The following ROBO1 variants were observed in gnomAD, a reference collection of about 807,000 sequenced individuals.
ROBO1 encodes roundabout homolog 1.
Under a neutral mutation model 195.9 loss-of-function variants are expected in ROBO1, and 149 were observed. The observed-to-expected ratio is 0.76, with a 90% confidence interval of 0.67 to 0.87. The LOEUF is 0.87. Ranked by LOEUF, ROBO1 falls within the 40% of genes least tolerant of loss-of-function variation. The probability of loss-of-function intolerance (pLI) is 0.00; values close to 1 mark genes in which losing one functional copy is unlikely to be tolerated. For missense variants in ROBO1, 1,933 were observed against 2,068.3 expected (o/e 0.93, Z 1.27); for synonymous variants, 816 against 733.2 (o/e 1.11, Z -1.82).
intron 4 of ROBO1, among the ~76,000 whole-genome samples, chr3:78,783,228 C>A (rs2083732842): frequency 6.6e-6 from 1 of 152,096 alleles, no homozygotes; most frequent in African/African-American, 2.4e-5. Flanking sequence ...TCCCATCATC[C>A]ACCTCCTCTG....
At chr3:79,439,895 G>T (rs189526336) in intron 2 of ROBO1, among the ~76,000 whole-genome samples, 2 of 152,068 alleles carry the variant, frequency 1.3e-5, no homozygotes, top group Admixed American at 6.6e-5. Flanking sequence ...GAGGAAGAGA[G>T]AACTAAAGGA....
chr3:79,617,488 C>T (rs1944861594), intron 1 of ROBO1, among the ~76,000 whole-genome samples: 1 of 151,890 alleles, frequency 6.6e-6, no homozygotes, highest in Admixed American at 6.6e-5. Flanking sequence ...GAAGCCTTGC[C>T]CCGTGAAAGC....
chr3:78,952,920 T>C (rs1413926576), intron 3 of ROBO1, among the ~76,000 whole-genome samples: 3 of 152,048 alleles, frequency 2.0e-5, no homozygotes, highest in African/African-American at 7.2e-5. Context: ...ATTAACTGAG[T>C]GCCATTGGTA....
At chr3:79,640,919 G>A (rs546236217) in intron 1 of ROBO1, among the ~76,000 whole-genome samples, 1 of 152,226 alleles carries the variant, frequency 6.6e-6, no homozygotes, top group East Asian at 1.9e-4. Context: ...AATTTCCAGA[G>A]AATGTAAAAT....
intron 2 of ROBO1, among the ~76,000 whole-genome samples, chr3:79,465,342 T>C (rs564613579): frequency 2.2e-4 from 34 of 152,150 alleles, no homozygotes; most frequent in Non-Finnish European, 3.2e-4. Flanking sequence ...CCCTTAAGCA[T>C]TGTCATTTAT....
At chr3:78,944,237 T>C (rs1050599376) in intron 3 of ROBO1, among the ~76,000 whole-genome samples, 2 of 152,232 alleles carry the variant, frequency 1.3e-5, no homozygotes, top group Non-Finnish European at 2.9e-5. Context: ...ACTGCTATGG[T>C]TAATTAGTTA....
chr3:79,360,384 T>C (rs572495105), intron 2 of ROBO1, among the ~76,000 whole-genome samples: 1 of 152,140 alleles, frequency 6.6e-6, no homozygotes, highest in African/African-American at 2.4e-5. Context: ...TGACATTAGT[T>C]GATAAAATTA....
chr3:79,016,332 C>A (rs1290008412), intron 3 of ROBO1, among the ~76,000 whole-genome samples: 1 of 152,126 alleles, frequency 6.6e-6, no homozygotes, highest in Non-Finnish European at 1.5e-5. Context: ...TAGAAAGAAG[C>A]TTTTGTCCTG....
At chr3:79,574,557 G>A (rs758806812) in intron 2 of ROBO1, among the ~76,000 whole-genome samples, 16 of 151,674 alleles carry the variant, frequency 1.1e-4, no homozygotes, top group Non-Finnish European at 1.5e-4. Flanking sequence ...TGGCAATTCC[G>A]CTTACCAAGT....
chr3:79,573,144 G>GCT (rs1347258445), intron 2 of ROBO1, among the ~76,000 whole-genome samples: 1 of 152,124 alleles, frequency 6.6e-6, no homozygotes, highest in East Asian at 1.9e-4. Context: ...CCATCGGCTG[G>GCT]CTCAAGAGGT....
At chr3:79,121,976 C>G (rs1377929450) in intron 3 of ROBO1, among the ~76,000 whole-genome samples, 1 of 151,936 alleles carries the variant, frequency 6.6e-6, no homozygotes, top group Non-Finnish European at 1.5e-5. Context: ...GAAATCTATA[C>G]ATAAATTATA....
At chr3:79,139,457 G>C (rs1169130956) in intron 2 of ROBO1, among the ~76,000 whole-genome samples, 2 of 152,122 alleles carry the variant, frequency 1.3e-5, no homozygotes, top group African/African-American at 4.8e-5. Context: ...TTATGCATCA[G>C]TATGACACAA....
At chr3:79,404,523 G>A (rs2037474347) in intron 2 of ROBO1, among the ~76,000 whole-genome samples, 1 of 152,084 alleles carries the variant, frequency 6.6e-6, no homozygotes, top group South Asian at 2.1e-4. Flanking sequence ...TTCACCCTGA[G>A]ACGACAAGCA....
At chr3:79,354,090 G>C (rs148226454) in intron 2 of ROBO1, among the ~76,000 whole-genome samples, 1 of 152,052 alleles carries the variant, frequency 6.6e-6, no homozygotes, top group East Asian at 1.9e-4. Context: ...GTTTAGGAAG[G>C]GCACTATACT....
chr3:79,275,476 T>C (rs576659039), intron 2 of ROBO1, among the ~76,000 whole-genome samples: 129 of 152,048 alleles, frequency 8.5e-4, no homozygotes, highest in African/African-American at 2.9e-3. Context: ...AGATGTGACA[T>C]GCCACAGCAC....
chr3:79,300,462 A>G (rs764677458), intron 2 of ROBO1, among the ~76,000 whole-genome samples: 35 of 152,152 alleles, frequency 2.3e-4, no homozygotes, highest in Non-Finnish European at 4.3e-4. Context: ...CCCGCGGGGC[A>G]GGGCTCGGGA....
chr3:78,620,077 C>T (rs1455860069), intron 26 of ROBO1, among the ~76,000 whole-genome samples: 1 of 150,926 alleles, frequency 6.6e-6, no homozygotes, highest in Non-Finnish European at 1.5e-5. Context: ...ATTTTAACAG[C>T]AAGCAAACAA....
chr3:79,246,246 T>C (rs1037461190), intron 2 of ROBO1, among the ~76,000 whole-genome samples: 7 of 152,136 alleles, frequency 4.6e-5, no homozygotes, highest in South Asian at 2.1e-4. Flanking sequence ...ATGTATACCA[T>C]GTCTTTTAAT....
At chr3:79,071,807 G>A (rs1464200165) in intron 3 of ROBO1, among the ~76,000 whole-genome samples, 1 of 151,382 alleles carries the variant, frequency 6.6e-6, no homozygotes, top group Middle Eastern at 3.4e-3. Flanking sequence ...GAGACTTTAC[G>A]GCAGAGTATT....
Sources: gnomAD v4.1 joint callset for allele counts (sites outside exome capture counted in the v4.1 genomes callset) on GRCh38, gnomAD v4.1.1 for gene constraint, MANE v1.5 for transcripts, NCBI Gene and HGNC (gene_info 2026-07-23, HGNC 2026-07-21) for gene names.